Variants in ESR1 observed in about 807,000 individuals in gnomAD.
ESR1 encodes the protein estrogen receptor 1.
ESR1 carries 12 observed loss-of-function variants against 52.7 expected under a neutral mutation model. The ratio of observed to expected loss-of-function variants is 0.23; its 90% CI spans 0.15 to 0.37. ESR1 has a LOEUF of 0.37. ESR1 is among the 10% of genes least tolerant of loss of function. The pLI is 1.00. For synonymous variants in ESR1, 305 were observed against 316.8 expected (o/e 0.96, Z 0.39); for missense variants, 584 against 779.7 (o/e 0.75, Z 2.99).
chr6:151,749,144 GA>G (rs1178306039), intron 2 of ESR1, among the ~76,000 whole-genome samples: 7 of 120,964 alleles, frequency 5.8e-5, no homozygotes, highest in Non-Finnish European at 1.2e-4. Flanking sequence ...AAGCTACTGT[GA>G]AAAAAAAGGA....
At chr6:151,716,227 C>G (rs149896235) in intron 2 of ESR1, among the ~76,000 whole-genome samples, 1 of 152,102 alleles carries the variant, frequency 6.6e-6, no homozygotes, top group Non-Finnish European at 1.5e-5. Flanking sequence ...GGGCACCCAC[C>G]AGATGCCAGC....
intron 2 of ESR1, among the ~76,000 whole-genome samples, chr6:151,762,067 A>G (rs1288337906): frequency 1.3e-5 from 2 of 152,234 alleles, no homozygotes; most frequent in African/African-American, 4.8e-5. Context: ...CAACCTCTGC[A>G]GATGGTAACC....
At chr6:151,980,502 C>A (rs970663829) in intron 4 of ESR1, among the ~76,000 whole-genome samples, 2 of 151,626 alleles carry the variant, frequency 1.3e-5, no homozygotes. Flanking sequence ...TTTGTTTGAA[C>A]AAAAATCAAA....
upstream of ESR1, among the ~76,000 whole-genome samples, chr6:151,799,818 G>A (rs1377920011): frequency 3.3e-5 from 5 of 152,220 alleles, no homozygotes; most frequent in African/African-American, 7.2e-5. Flanking sequence ...GATGAAAAGG[G>A]ATGGGAGGAA....
At chr6:151,996,920 T>C (rs1470756151) in intron 4 of ESR1, among the ~76,000 whole-genome samples, 1 of 152,034 alleles carries the variant, frequency 6.6e-6, no homozygotes, top group African/African-American at 2.4e-5. Context: ...CCATCCACTA[T>C]CTATTAAGGA....
chr6:151,985,498 ACT>A (rs1300896283), intron 4 of ESR1, among the ~76,000 whole-genome samples: 1 of 117,450 alleles, frequency 8.5e-6, no homozygotes, highest in African/African-American at 3.2e-5. Context: ...ACAGAGTGAG[ACT>A]CTGTCTCAAA....
At chr6:151,857,275 G>A (rs962373044) in intron 2 of ESR1, among the ~76,000 whole-genome samples, 2 of 152,154 alleles carry the variant, frequency 1.3e-5, no homozygotes, top group South Asian at 4.1e-4. Flanking sequence ...AATGTACATT[G>A]TATTAGGTAT....
intron 5 of ESR1, among the ~76,000 whole-genome samples, chr6:152,012,214 C>T (rs2042837634): frequency 6.6e-6 from 1 of 152,052 alleles, no homozygotes; most frequent in South Asian, 2.1e-4. Context: ...CTCCAATTTT[C>T]CCATCCGTAA....
At chr6:151,881,882 C>CAATAAATAAATA (rs66997460) in intron 3 of ESR1, among the ~76,000 whole-genome samples, 11 of 134,806 alleles carry the variant, frequency 8.2e-5, no homozygotes, top group South Asian at 2.6e-4. Flanking sequence ...GACTCTGTCT[C>CAATAAATAAATA]AATAAATAAA....
At position 152,061,380 on chromosome 6, in the gene ESR1, A is replaced by G. The variant is rs1353774152; in HGVS notation, c.1369+256A>G. Reference sequence around the variant, plus strand: ...AGCTAAAATTTTTGTATGCTTTCACAGATAGGATGTTTTTATTCAAATGGT... The same window carrying G: ...AGCTAAAATTTTTGTATGCTTTCACGGATAGGATGTTTTTATTCAAATGGT... On this transcript the variant is annotated intron_variant, in intron 6 of 7. Transcript: ENST00000206249. The surrounding 1 kb of genome is among the most constrained non-coding windows in gnomAD (Gnocchi z 4.3). Among the ~76,000 whole-genome samples, 2 of 152,204 alleles carry G rather than the reference A, an allele frequency of 1.3e-5. No individual in the cohort carries two copies. Among genetic ancestry groups the G allele is most frequent in the Non-Finnish European group, 2.9e-5 (2 of 68,036 alleles).
chr6:151,678,192 A>C (rs1778318584), intron 1 of ESR1, among the ~76,000 whole-genome samples: 1 of 152,162 alleles, frequency 6.6e-6, no homozygotes, highest in Non-Finnish European at 1.5e-5. Flanking sequence ...ATTGATGCCG[A>C]CTGGGCACAG....
intron 5 of ESR1, among the ~76,000 whole-genome samples, chr6:152,022,197 A>G (rs1437624997): frequency 6.6e-6 from 1 of 152,154 alleles, no homozygotes; most frequent in African/African-American, 2.4e-5. Context: ...CTCTGAGGAA[A>G]GCAGAACCTG....
At chr6:151,983,816 T>G (rs2040209091) in intron 4 of ESR1, among the ~76,000 whole-genome samples, 1 of 152,140 alleles carries the variant, frequency 6.6e-6, no homozygotes, top group South Asian at 2.1e-4. Flanking sequence ...ATTTGTCACC[T>G]TTCCAGGATG....
chr6:151,738,518 C>A (rs1289875871), intron 2 of ESR1, among the ~76,000 whole-genome samples: 1 of 152,156 alleles, frequency 6.6e-6, no homozygotes, highest in Non-Finnish European at 1.5e-5. Flanking sequence ...ACACCCTCAC[C>A]AATGCTCGCT....
Position 152,102,862 on chromosome 6 carries a change from C to T in ESR1, c.*3896C>T. 1 of 226,392 alleles carries T rather than the reference C, an allele frequency of 4.4e-6. No individual in the cohort carries two copies. The allele number at this position is 226,392 out of a possible 1,614,324, so 14.0% of individuals were successfully genotyped here. A position where few individuals can be genotyped will look rare whatever the true frequency, so the allele number is the denominator to read the frequency against. The stretch of plus-strand genomic sequence containing the variant: ...GTCAGTGTGTGTGTTTAGAGCTGTG[C>T]ACCCTAGAAACAACATATTGTCCCA... On this transcript the variant is annotated 3_prime_UTR_variant, in exon 8 of 8. Coordinates refer to ENST00000206249, the MANE Select transcript of ESR1 (RefSeq NM_000125.4).
intron 7 of ESR1, chr6:152,096,742 C>T (rs2050644191): frequency 8.8e-6 from 4 of 454,868 alleles, no homozygotes; most frequent in Admixed American, 4.7e-5. Flanking sequence ...TATACATTTC[C>T]AGTCTCCCCT....
chr6:151,960,448 GA>G (rs2037520972), intron 4 of ESR1, among the ~76,000 whole-genome samples: 1 of 152,168 alleles, frequency 6.6e-6, no homozygotes, highest in Non-Finnish European at 1.5e-5. Flanking sequence ...ACACCTGAAG[GA>G]GGAGGTGAGA....
chr6:152,106,605 T>A (rs894377293), downstream of ESR1, among the ~76,000 whole-genome samples: 6 of 152,202 alleles, frequency 3.9e-5, no homozygotes, highest in Non-Finnish European at 7.3e-5. Flanking sequence ...GTTTTGTTTT[T>A]TGAGACAGGG....
intron 2 of ESR1, among the ~76,000 whole-genome samples, chr6:151,863,218 A>G (rs1001358282): frequency 3.3e-5 from 5 of 152,142 alleles, no homozygotes; most frequent in East Asian, 1.9e-4. Flanking sequence ...CATTGAATCT[A>G]TAAATTACCT....
Sources: allele counts gnomAD v4.1 joint callset (sites outside exome capture counted in the v4.1 genomes callset), GRCh38; gene constraint gnomAD v4.1.1; non-coding constraint Gnocchi (gnomAD v3.1); transcripts MANE v1.5; gene names NCBI Gene and HGNC (gene_info 2026-07-23, HGNC 2026-07-21).